The following ASCC3 variants were observed in gnomAD, a reference collection of about 807,000 sequenced individuals.
ASCC3 encodes activating signal cointegrator 1 complex subunit 3, also known as ASC-1 complex subunit P200.
A neutral mutation model predicts 256.3 loss-of-function variants in ASCC3; 158 were observed. The observed-to-expected ratio is 0.62, with a 90% CI of 0.54 to 0.70. The LOEUF (loss-of-function observed/expected upper bound fraction) is 0.70. Ranked by LOEUF, ASCC3 falls within the 30% of genes least tolerant of loss-of-function variation. The pLI, the probability that ASCC3 is intolerant of heterozygous loss-of-function variation, is 0.00. For missense variants in ASCC3, 2,259 were observed against 2,626.0 expected (o/e 0.86, Z 3.05); for synonymous variants, 948 against 883.4 (o/e 1.07, Z -1.30).
chr6:100,582,216 G>A (rs1229218055), intron 36 of ASCC3, among the ~76,000 whole-genome samples: 2 of 152,064 alleles, frequency 1.3e-5, no homozygotes, highest in Admixed American at 6.6e-5. Context: ...TCCTACCCAT[G>A]AGCATGGAAT....
Position 100,721,785 on chromosome 6 carries a change from CA to C in ASCC3, c.1903-3535del, listed in dbSNP as rs1335784352. 1.0e-4 allele frequency among the ~76,000 whole-genome samples: 12 copies of C among 119,234 alleles called. No individual in the cohort carries two copies. In the South Asian group the frequency reaches 1.0e-3, roughly 10 times the overall value. 78.2% of individuals were successfully genotyped at this position (119,234 alleles called of 152,430 possible). A position where few individuals can be genotyped will look rare whatever the true frequency, so the allele number is the denominator to read the frequency against. ...CACTTTTTAATTAGGTCCTACTTGTCAAATTTTTTGTTGTTGTTGTTGCAAT... is the reference window on the plus strand; with the variant it reads ...CACTTTTTAATTAGGTCCTACTTGTCAATTTTTTGTTGTTGTTGTTGCAAT... On this transcript the variant is annotated intron_variant, in intron 11 of 41. Transcript: ENST00000369162.
At chr6:100,675,090 G>C (rs17060858) in intron 14 of ASCC3, among the ~76,000 whole-genome samples, 6,382 of 150,090 alleles carry the variant, frequency 0.043, 237 homozygotes, top group East Asian at 0.19. Flanking sequence ...TTTGAAAACA[G>C]AAAAGTCATG....
chr6:100,644,209 G>A (rs1253896274), intron 22 of ASCC3, 80 bp from the exon 23 acceptor site: 3 of 925,792 alleles, frequency 3.2e-6, no homozygotes, highest in South Asian at 1.3e-5. Flanking sequence ...CACTCTAGAA[G>A]CTTTATTGAT....
At chr6:100,591,767 C>T (rs936562841) in intron 34 of ASCC3, among the ~76,000 whole-genome samples, 11 of 151,824 alleles carry the variant, frequency 7.2e-5, no homozygotes, top group African/African-American at 2.4e-4. Context: ...TTTACTAGGT[C>T]GTTTGAAAAC....
intron 36 of ASCC3, among the ~76,000 whole-genome samples, chr6:100,560,363 A>T (rs1464236660): frequency 6.6e-6 from 1 of 152,142 alleles, no homozygotes; most frequent in Non-Finnish European, 1.5e-5. Flanking sequence ...TTAAATTTGC[A>T]ATCATGTATT....
At chr6:100,631,541 C>A (rs557111495) in intron 25 of ASCC3, among the ~76,000 whole-genome samples, 2 of 151,490 alleles carry the variant, frequency 1.3e-5, no homozygotes. Flanking sequence ...ATAATAAAAA[C>A]AAAACAAATT....
At chr6:100,554,434 A>G (rs1769463929) in intron 36 of ASCC3, among the ~76,000 whole-genome samples, 1 of 152,096 alleles carries the variant, frequency 6.6e-6, no homozygotes, top group Non-Finnish European at 1.5e-5. Context: ...CCTACACTGA[A>G]CTCACTAAAT....
chr6:100,559,404 C>A (rs907756341), intron 36 of ASCC3, among the ~76,000 whole-genome samples: 3 of 152,094 alleles, frequency 2.0e-5, no homozygotes, highest in African/African-American at 7.2e-5. Flanking sequence ...AGAAAAATAA[C>A]CATTAGCGGA....
intron 36 of ASCC3, among the ~76,000 whole-genome samples, chr6:100,551,795 C>T (rs144636211): frequency 3.8e-4 from 58 of 152,110 alleles, no homozygotes; most frequent in African/African-American, 1.1e-3. Context: ...TAATCAACAG[C>T]TATTACTTCC....
At chr6:100,553,908 T>C (rs1220003735) in intron 36 of ASCC3, among the ~76,000 whole-genome samples, 2 of 152,130 alleles carry the variant, frequency 1.3e-5, no homozygotes, top group African/African-American at 2.4e-5. Flanking sequence ...GATTTTTAGT[T>C]TACTGGGGAT....
chr6:100,595,989 G>A (rs1772273339), intron 34 of ASCC3, among the ~76,000 whole-genome samples: 2 of 151,722 alleles, frequency 1.3e-5, no homozygotes, highest in Admixed American at 6.6e-5. Context: ...TTTTCTATGA[G>A]GTCTGTAAAG....
At chr6:100,543,713 A>G (rs1326731053) in intron 36 of ASCC3, among the ~76,000 whole-genome samples, 1 of 152,098 alleles carries the variant, frequency 6.6e-6, no homozygotes, top group Non-Finnish European at 1.5e-5. Context: ...TCCATGAAAA[A>G]AAACTTGTAG....
At chr6:100,628,913 C>G in intron 27 of ASCC3, 102 bp downstream of exon 27, 2 of 1,123,736 alleles carry the variant, frequency 1.8e-6, no homozygotes, top group Non-Finnish European at 2.5e-6. Context: ...ACATTGTGCC[C>G]TAGAAATATA....
chr6:100,670,834 T>C (rs1309895430), intron 14 of ASCC3, among the ~76,000 whole-genome samples: 1 of 152,040 alleles, frequency 6.6e-6, no homozygotes, highest in Non-Finnish European at 1.5e-5. Context: ...ATTTTTCTAA[T>C]GTATATCATT....
chr6:100,817,850 A>T (rs1770828891), intron 4 of ASCC3, among the ~76,000 whole-genome samples: 1 of 152,168 alleles, frequency 6.6e-6, no homozygotes, highest in Non-Finnish European at 1.5e-5. Context: ...TAAAGAAGTT[A>T]ATACTAATTC....
chr6:100,649,867 AG>A (rs1775571073), intron 20 of ASCC3, among the ~76,000 whole-genome samples: 1 of 151,864 alleles, frequency 6.6e-6, no homozygotes, highest in South Asian at 2.1e-4. Flanking sequence ...AAGGATAAAT[AG>A]GGTAAAATAT....
intron 36 of ASCC3, among the ~76,000 whole-genome samples, chr6:100,568,168 G>C (rs1200443542): frequency 6.6e-6 from 1 of 151,992 alleles, no homozygotes; most frequent in Non-Finnish European, 1.5e-5. Context: ...AGGAATTTGA[G>C]ATCAGCCTGG....
chr6:100,800,647 T>C (rs1196652226), intron 5 of ASCC3, 143 bp from the exon 6 acceptor site: 1 of 683,116 alleles, frequency 1.5e-6, no homozygotes, highest in Non-Finnish European at 2.4e-6. Flanking sequence ...AATTATATGT[T>C]TTAAGGTGAG....
intron 8 of ASCC3, among the ~76,000 whole-genome samples, chr6:100,774,330 C>T (rs549979514): frequency 5.3e-5 from 8 of 152,006 alleles, no homozygotes; most frequent in South Asian, 2.1e-4. Flanking sequence ...GTACATGACA[C>T]GTACATGTCA....
Sources: gnomAD v4.1 joint callset for allele counts (sites outside exome capture counted in the v4.1 genomes callset) on GRCh38, gnomAD v4.1.1 for gene constraint, MANE v1.5 for transcripts, NCBI Gene and HGNC (gene_info 2026-07-23, HGNC 2026-07-21) for gene names.